The following CSF1 variants were observed in gnomAD, a reference collection of about 807,000 sequenced individuals.
CSF1 encodes the protein macrophage colony-stimulating factor 1.
CSF1 carries 9 observed loss-of-function variants against 48.9 expected under a neutral mutation model. The ratio of observed to expected loss-of-function variants is 0.18; its 90% CI spans 0.11 to 0.32. CSF1 has a LOEUF of 0.32. CSF1 is among the 10% of genes least tolerant of loss of function. CSF1 has a pLI of 1.00. For missense variants in CSF1, 672 were observed against 697.9 expected, an observed-to-expected ratio of 0.96 and a Z score of 0.42; for synonymous variants, 305 against 284.1, an observed-to-expected ratio of 1.07 and a Z score of -0.74.
chr1:109,923,474 G>A lies in CSF1; in HGVS notation c.853G>A (p.Gly285Arg), dbSNP rs752775445. 6.1e-5 allele frequency: 99 copies of A among 1,613,972 alleles called. 1 individual carries two copies. The East Asian group carries it at 8.2e-4, about 13-fold the overall frequency. ...GGSPQPRPSV[G>R]AFNPGMEDIL... is the part of the protein sequence containing the mutation. Reference sequence around the variant, plus strand: ...CTCACCACAGCCTCGCCCCTCTGTCGGGGCCTTCAACCCCGGGATGGAGGA... The same window carrying A: ...CTCACCACAGCCTCGCCCCTCTGTCAGGGCCTTCAACCCCGGGATGGAGGA... The change falls in exon 6 of 9, where the codon GGG becomes AGG. Residue 285 changes from glycine to arginine, a missense_variant. Physicochemically the swap from Gly to Arg is moderately radical, Grantham distance 125. Around this residue, in one of 3 missense-constraint regions of CSF1, gnomAD observed 591 missense variants for 593.6 expected, o/e 1.00. Coordinates refer to ENST00000329608, the MANE Select transcript of CSF1 (RefSeq NM_000757.6).
chr1:109,928,433 G>T (rs1340552504), intron 8 of CSF1, among the ~76,000 whole-genome samples: 2 of 152,234 alleles, frequency 1.3e-5, no homozygotes, highest in African/African-American at 4.8e-5. Context: ...CTTTGCTAGT[G>T]TTAGCAGGAA....
rs1647652313 is a variant in CSF1 at position 109,923,301 on chromosome 1, A to G, written c.680A>G (p.Glu227Gly). The G allele has an allele frequency of 6.2e-7, 1 of 1,612,532 alleles. No homozygotes were observed. Among genetic ancestry groups the G allele is most frequent in the Non-Finnish European group, 8.5e-7 (1 of 1,179,288 alleles). ...PVAGLTWEDS[E>G]GTEGSSLLPG... The stretch of plus-strand genomic sequence containing the variant: ...GCTGGCTTGACCTGGGAGGACTCTG[A>G]GGGAACTGAGGGCAGCTCCCTCTTG... The change falls in exon 6 of 9, where the codon GAG becomes GGG. Residue 227 changes from glutamate to glycine, a missense_variant. Physicochemically the swap from Glu to Gly is moderately conservative, Grantham distance 98. This residue lies in a region of CSF1 where 591 missense variants were observed against 593.6 expected (regional missense o/e 1.00). Coordinates refer to ENST00000329608, the MANE Select transcript of CSF1 (RefSeq NM_000757.6).
At chr1:109,926,914 A>G (rs1647866936) in intron 8 of CSF1, among the ~76,000 whole-genome samples, 1 of 152,130 alleles carries the variant, frequency 6.6e-6, no homozygotes, top group Non-Finnish European at 1.5e-5. Flanking sequence ...TTTGCCAAAC[A>G]TGCAATAAAT....
chr1:109,923,946 G>T lies in CSF1; in HGVS notation c.1325G>T (p.Gly442Val), dbSNP rs1027476956. ...GSVLPLGELE[G>V]RRSTRDRRSP... Reference sequence around the variant, plus strand: ...GTGCTGCCCCTTGGGGAGCTGGAGGGCAGGAGGAGCACCAGGGATCGGAGG... The same window carrying T: ...GTGCTGCCCCTTGGGGAGCTGGAGGTCAGGAGGAGCACCAGGGATCGGAGG... Residue 442 changes from glycine (G) to valine (V), a missense_variant, in exon 6 of 9, where the codon GGC (glycine) becomes GTC (valine). Physicochemically the swap from Gly to Val is moderately radical, Grantham distance 109. Coordinates refer to ENST00000329608, the MANE Select transcript of CSF1 (RefSeq NM_000757.6). The T allele has an allele frequency of 6.2e-7, 1 of 1,614,204 alleles. No homozygotes were observed. Among genetic ancestry groups the T allele is most frequent in the Non-Finnish European group, 8.5e-7 (1 of 1,180,008 alleles).
At position 109,910,977 on chromosome 1, in the gene CSF1, AGC is replaced by A; in HGVS notation, c.-45_-44del. 9.2e-7 allele frequency: 1 copy of A among 1,088,870 alleles called. No homozygotes were observed. The highest frequency in any genetic ancestry group is 1.1e-6 in the Non-Finnish European group (1 of 899,112). 67.5% of individuals were successfully genotyped at this position (1,088,870 alleles called of 1,614,324 possible). On this transcript the variant is annotated 5_prime_UTR_variant, in exon 1 of 9. Coordinates refer to ENST00000329608, the MANE Select transcript of CSF1 (RefSeq NM_000757.6). ...CTCCGCAGCAGCCAGCGAGCGAGCGAGCGAGCGAGGGCGGCCGACGCGCCCGG... is the reference window on the plus strand; with the variant it reads ...CTCCGCAGCAGCCAGCGAGCGAGCGAGAGCGAGGGCGGCCGACGCGCCCGG...
rs113133304 is a variant in CSF1, at chr1:109,923,983, G to A, written c.1362G>A (p.Glu454=). 2.2e-5 allele frequency: 36 copies of A among 1,614,116 alleles called. No individual in the cohort carries two copies. Among genetic ancestry groups the A allele is most frequent in the Non-Finnish European group, 3.0e-5 (35 of 1,180,042 alleles). Residue 454 remains glutamate (E), a synonymous_variant, in exon 6 of 9, where the codon GAG becomes GAA. Transcript: ENST00000329608. ...CCAGGGATCGGAGGAGCCCCGCAGA[G>A]CCAGAAGGAGGACCAGCAAGTGAAG... ...RSTRDRRSPA[E]PEGGPASEGA...
In CSF1 at chr1:109,930,166, T is replaced by A. The variant is rs1388606719; in HGVS notation, c.*1328T>A. ...GCATCTCAGCCCCACCTGCATGGTA[T>A]CCAGCTCCCATCCACTTCTCACCCT... is the stretch of plus-strand genomic sequence containing the variant. On this transcript the variant is annotated 3_prime_UTR_variant, in exon 9 of 9. Coordinates refer to ENST00000329608, the MANE Select transcript of CSF1 (RefSeq NM_000757.6). The A allele has an allele frequency of 1.3e-5, 2 of 152,328 alleles. No homozygotes were observed. The highest frequency in any genetic ancestry group is 2.4e-5 in the African/African-American group (1 of 41,442). 9.4% of individuals were successfully genotyped at this position (152,328 alleles called of 1,614,324 possible).
intron 4 of CSF1, 40 bp from the exon 5 acceptor site, chr1:109,921,807 A>G (rs376516821): frequency 5.3e-6 from 8 of 1,510,130 alleles, no homozygotes; most frequent in Non-Finnish European, 7.1e-6. Flanking sequence ...CATGGGGCCA[A>G]TGGTCATGCT....
At chr1:109,914,492 G>A (rs1320329985) in intron 2 of CSF1, 111 bp downstream of exon 2, 48 of 1,288,416 alleles carry the variant, frequency 3.7e-5, no homozygotes, top group Non-Finnish European at 4.8e-5. Context: ...AGGGCAGTGC[G>A]GGACATTGCT....
At chr1:109,911,860 G>C (rs563201876) in intron 1 of CSF1, among the ~76,000 whole-genome samples, 7 of 152,336 alleles carry the variant, frequency 4.6e-5, no homozygotes, top group Non-Finnish European at 1.0e-4. Context: ...GCTCCTGACT[G>C]CGTAAGGGAC....
At chr1:109,921,774 G>A in intron 4 of CSF1, 73 bp from the exon 5 acceptor site, 1 of 1,463,286 alleles carries the variant, frequency 6.8e-7, no homozygotes. Context: ...AAGGCCAAGG[G>A]AATTTGACAA....
At chr1:109,917,050 A>G (rs911260172) in intron 3 of CSF1, among the ~76,000 whole-genome samples, 1 of 152,046 alleles carries the variant, frequency 6.6e-6, no homozygotes, top group African/African-American at 2.4e-5. Context: ...TATTCCAGAA[A>G]CCCAGAGAAC....
intron 3 of CSF1, among the ~76,000 whole-genome samples, chr1:109,916,238 C>G (rs2101643422): frequency 6.6e-6 from 1 of 152,270 alleles, no homozygotes; most frequent in Admixed American, 6.5e-5. Flanking sequence ...TCCTCCATCC[C>G]CACCTTCACC....
Position 109,924,035 on chromosome 1 carries a change from A to G in CSF1, c.1414A>G (p.Asn472Asp), listed in dbSNP as rs752085291. Residue 472 changes from asparagine to aspartate, a missense_variant, in exon 6 of 9, where the codon AAC becomes GAC. Coordinates refer to ENST00000329608, the MANE Select transcript of CSF1 (RefSeq NM_000757.6). ...EGAARPLPRF[N>D]SVPLTDTGHE... ...GGCAGCCAGGCCCCTGCCCCGTTTT[A>G]ACTCCGTTCCTTTGACTGACACAGG... 2 of 1,614,138 alleles carry G rather than the reference A, an allele frequency of 1.2e-6. No individual in the cohort carries two copies. The highest frequency in any genetic ancestry group is 1.7e-6 in the Non-Finnish European group (2 of 1,180,028).
Position 109,929,370 on chromosome 1 carries a change from G to C in CSF1, c.*532G>C, listed in dbSNP as rs995019362. 6.5e-6 allele frequency: 1 copy of C among 152,814 alleles called. No individual in the cohort carries two copies. The highest frequency in any genetic ancestry group is 1.5e-5 in the Non-Finnish European group (1 of 68,242). The allele number at this position is 152,814 out of a possible 1,614,324, so 9.5% of individuals were successfully genotyped here. On this transcript the variant is annotated 3_prime_UTR_variant, in exon 9 of 9. Transcript: ENST00000329608. Reference sequence around the variant, plus strand: ...CAGCGTCGGCCTGATTTCCCGTAAAGGTGTGCAGCCTGAGAGACGGGAAGA... The same window carrying C: ...CAGCGTCGGCCTGATTTCCCGTAAACGTGTGCAGCCTGAGAGACGGGAAGA...
chr1:109,923,833 G>A lies in CSF1; in HGVS notation c.1212G>A (p.Arg404=), dbSNP rs149423163. ...LRDPPEPGSP[R]ISSLRPQGLS... is the part of the protein sequence containing the mutation. ...ACCCCCCGGAGCCAGGCTCTCCCAG[G>A]ATCTCATCACTGCGCCCCCAGGGCC... Residue 404 remains arginine, a synonymous_variant, in exon 6 of 9, where the codon AGG becomes AGA. Transcript: ENST00000329608. 3.1e-4 allele frequency: 503 copies of A among 1,613,632 alleles called. 2 individuals carry two copies. In the African/African-American group the frequency reaches 6.0e-3, roughly 19 times the overall value.
chr1:109,914,175 C>T (rs1371893164), intron 1 of CSF1, 84 bp from the exon 2 acceptor site: 3 of 1,415,426 alleles, frequency 2.1e-6, no homozygotes, highest in African/African-American at 1.4e-5. Flanking sequence ...AGATATGAGG[C>T]CTTTGTTTTT....
At chr1:109,911,804 G>A in intron 1 of CSF1, among the ~76,000 whole-genome samples, 1 of 152,210 alleles carries the variant, frequency 6.6e-6, no homozygotes, top group East Asian at 1.9e-4. Flanking sequence ...TGAGGAAAAT[G>A]GAAAGAGGGT....
rs759237248 is a variant in CSF1, at chr1:109,924,103, G to A, written c.1482G>A (p.Gln494=). The A allele has an allele frequency of 6.2e-7, 1 of 1,614,222 alleles. No individual in the cohort carries two copies. Among genetic ancestry groups the A allele is most frequent in the Admixed American group, 1.7e-5 (1 of 60,034 alleles). ...QSEGSFSPQL[Q]ESVFHLLVPS... ...AGGGATCCTTCAGCCCGCAGCTCCA[G>A]GAGTCTGTCTTCCACCTGCTGGTGC... The change falls in exon 6 of 9, where the codon CAG becomes CAA. Residue 494 remains glutamine, a synonymous_variant. Transcript: ENST00000329608.
Sources: gnomAD v4.1 joint callset for allele counts (sites outside exome capture counted in the v4.1 genomes callset) on GRCh38, gnomAD v4.1.1 for gene constraint, gnomAD v4.1.1 regional missense constraint, MANE v1.5 for transcripts, NCBI Gene and HGNC (gene_info 2026-07-23, HGNC 2026-07-21) for gene names.